CCSER2: variants seen among roughly 807,000 people sequenced by gnomAD.
CCSER2 encodes serine-rich coiled-coil domain-containing protein 2.
In CCSER2, 46 loss-of-function variants were observed where a neutral mutation model predicts 92.3. The observed-to-expected ratio is 0.50, with a 90% confidence interval of 0.39 to 0.64. The LOEUF (loss-of-function observed/expected upper bound fraction) is 0.64, where lower values mean the gene tolerates loss of function less well. Among genes scored for constraint, CCSER2 ranks in the 30% least tolerant of loss-of-function variants. CCSER2 has a pLI of 0.00. For missense variants in CCSER2, 1,244 were observed against 1,238.9 expected, an observed-to-expected ratio of 1.00 and a Z score of -0.06; for synonymous variants, 433 against 431.4, an observed-to-expected ratio of 1.00 and a Z score of -0.04.
chr10:84,422,402 A>C (rs1396896789), intron 4 of CCSER2, among the ~76,000 whole-genome samples: 1 of 152,206 alleles, frequency 6.6e-6, no homozygotes, highest in Non-Finnish European at 1.5e-5. Context: ...TTTAATATTT[A>C]GAGAAATTTA....
intron 3 of CCSER2, among the ~76,000 whole-genome samples, chr10:84,381,088 A>T (rs1176632678): frequency 6.6e-6 from 1 of 152,182 alleles, no homozygotes. Flanking sequence ...ATGGTATGAC[A>T]GTCATGTGAT....
In CCSER2 at chr10:84,514,184, C is replaced by T. The variant is rs2131892170; in HGVS notation, c.3061C>T (p.Gln1021Ter). The change falls in exon 10 of 10, where the codon CAG becomes TAG. Residue 1021 changes from glutamine (Q) to a stop codon, truncating the protein, a stop_gained. Transcript: ENST00000372088. LOFTEE classifies it high-confidence loss of function. ...RPLTQRKEIM[Q>*]NPNGNLHSGD... Reference sequence around the variant, plus strand: ...ACTAACACAACGAAAAGAAATCATGCAGAATCCAAATGGCAATTTGCATTC... The same window carrying T: ...ACTAACACAACGAAAAGAAATCATGTAGAATCCAAATGGCAATTTGCATTC... The T allele has an allele frequency of 2.0e-6, 3 of 1,536,420 alleles. No individual in the cohort carries two copies. Among genetic ancestry groups the T allele is most frequent in the Non-Finnish European group, 1.7e-6 (2 of 1,146,972 alleles).
chr10:84,423,541 G>T (rs535069324), intron 4 of CCSER2, among the ~76,000 whole-genome samples: 1 of 152,042 alleles, frequency 6.6e-6, no homozygotes. Context: ...TGGCCTATTC[G>T]CCCGATTTGC....
chr10:84,368,945 T>G (rs2133155988), intron 1 of CCSER2, among the ~76,000 whole-genome samples: 1 of 152,250 alleles, frequency 6.6e-6, no homozygotes, highest in South Asian at 2.1e-4. Flanking sequence ...TGGTATTTGG[T>G]TTTTCATTCC....
At chr10:84,372,777 A>G (rs1275999944) in intron 2 of CCSER2, among the ~76,000 whole-genome samples, 1 of 152,142 alleles carries the variant, frequency 6.6e-6, no homozygotes, top group Non-Finnish European at 1.5e-5. Flanking sequence ...TACCTCAACC[A>G]GTGTGGTATG....
At chr10:84,358,075 C>G (rs1027476408) in intron 1 of CCSER2, among the ~76,000 whole-genome samples, 2 of 152,132 alleles carry the variant, frequency 1.3e-5, no homozygotes, top group African/African-American at 2.4e-5. Context: ...CTCTGTTTTC[C>G]CCTGCCTACA....
At chr10:84,464,511 T>C (rs1222714012) in intron 7 of CCSER2, among the ~76,000 whole-genome samples, 4 of 152,234 alleles carry the variant, frequency 2.6e-5, no homozygotes, top group Non-Finnish European at 2.9e-5. Flanking sequence ...TAAGCACATA[T>C]TTATTTCTTA....
chr10:84,337,762 A>G (rs1427490090), intron 1 of CCSER2, among the ~76,000 whole-genome samples: 3 of 152,198 alleles, frequency 2.0e-5, no homozygotes, highest in Non-Finnish European at 4.4e-5. Flanking sequence ...TGCCAGGGAG[A>G]CAAGTCTGTC....
At chr10:84,398,812 G>T (rs898564821) in intron 3 of CCSER2, among the ~76,000 whole-genome samples, 5 of 152,030 alleles carry the variant, frequency 3.3e-5, no homozygotes, top group African/African-American at 1.2e-4. Flanking sequence ...GTTTCATAGG[G>T]TATTCTTTGT....
At chr10:84,363,715 C>T (rs1845633076) in intron 1 of CCSER2, among the ~76,000 whole-genome samples, 2 of 152,226 alleles carry the variant, frequency 1.3e-5, no homozygotes, top group South Asian at 4.2e-4. Context: ...ATATCTAGGT[C>T]CTTTGCAGTC....
At chr10:84,451,625 G>A (rs1008917605) in intron 6 of CCSER2, among the ~76,000 whole-genome samples, 14 of 152,060 alleles carry the variant, frequency 9.2e-5, no homozygotes, top group Non-Finnish European at 1.5e-5. Flanking sequence ...CAAACCTACA[G>A]GAAGGGATAT....
chr10:84,489,086 G>T (rs1847985339), intron 9 of CCSER2, among the ~76,000 whole-genome samples: 1 of 152,298 alleles, frequency 6.6e-6, no homozygotes, highest in East Asian at 1.9e-4. Flanking sequence ...TAGTTTGATT[G>T]CACTGTGGTC....
intron 9 of CCSER2, among the ~76,000 whole-genome samples, chr10:84,502,221 A>G (rs1167300390): frequency 6.6e-6 from 1 of 151,956 alleles, no homozygotes; most frequent in Non-Finnish European, 1.5e-5. Flanking sequence ...TTCCTATACT[A>G]AACTTGTAGT....
At chr10:84,488,342 A>G (rs1179225772) in intron 9 of CCSER2, among the ~76,000 whole-genome samples, 53 of 152,214 alleles carry the variant, frequency 3.5e-4, no homozygotes, top group Non-Finnish European at 2.9e-5. Context: ...TACCTCTGGT[A>G]GAATTCGGCT....
chr10:84,507,948 G>C (rs2131868014), intron 9 of CCSER2, among the ~76,000 whole-genome samples: 1 of 152,306 alleles, frequency 6.6e-6, no homozygotes, highest in South Asian at 2.1e-4. Context: ...ATCCAGGAAA[G>C]TTAGTTCCTT....
chr10:84,353,652 A>G (rs749694127), intron 1 of CCSER2, among the ~76,000 whole-genome samples: 1 of 152,144 alleles, frequency 6.6e-6, no homozygotes, highest in Non-Finnish European at 1.5e-5. Context: ...TAGCATGGCT[A>G]CCACAGGCAC....
chr10:84,358,756 CCCT>C (rs1159824447), intron 1 of CCSER2, among the ~76,000 whole-genome samples: 3 of 150,754 alleles, frequency 2.0e-5, no homozygotes, highest in African/African-American at 7.3e-5. Context: ...CTCAACTATT[CCCT>C]CCTCCACCAT....
At chr10:84,506,287 T>C (rs1849041275) in intron 9 of CCSER2, among the ~76,000 whole-genome samples, 1 of 152,208 alleles carries the variant, frequency 6.6e-6, no homozygotes, top group Admixed American at 6.5e-5. Flanking sequence ...CATTTTGAGA[T>C]ACAGAGGAAT....
chr10:84,335,692 G>A (rs1183349134), intron 1 of CCSER2, among the ~76,000 whole-genome samples: 1 of 152,200 alleles, frequency 6.6e-6, no homozygotes, highest in Non-Finnish European at 1.5e-5. Flanking sequence ...AAGCAAGACA[G>A]ATACCAGAAG....
Sources: allele counts gnomAD v4.1 joint callset (sites outside exome capture counted in the v4.1 genomes callset), GRCh38; gene constraint gnomAD v4.1.1; transcripts MANE v1.5; gene names NCBI Gene and HGNC (gene_info 2026-07-23, HGNC 2026-07-21).